The following HNMT variants were observed in gnomAD, a reference collection of about 807,000 sequenced individuals.
The protein encoded by HNMT is histamine N-methyltransferase.
HNMT carries 30 observed loss-of-function variants against 32.1 expected under a neutral mutation model. The ratio of observed to expected loss-of-function variants is 0.93; its 90% CI spans 0.70 to 1.27. The LOEUF (loss-of-function observed/expected upper bound fraction) is 1.27, where lower values mean the gene tolerates loss of function less well. HNMT is among the 50% of genes most tolerant of loss of function. The pLI is 0.00. For missense variants in HNMT, 327 were observed against 346.0 expected (o/e 0.95, Z 0.43); for synonymous variants, 125 against 119.0 (o/e 1.05, Z -0.33).
intron 2 of HNMT, among the ~76,000 whole-genome samples, chr2:137,989,038 C>T (rs985981882): frequency 6.6e-6 from 1 of 152,148 alleles, no homozygotes; most frequent in Non-Finnish European, 1.5e-5. Flanking sequence ...TATATTCCCT[C>T]CCAGAATTAC....
intron 2 of HNMT, among the ~76,000 whole-genome samples, chr2:137,997,102 C>T (rs1255557779): frequency 6.6e-6 from 1 of 152,162 alleles, no homozygotes; most frequent in African/African-American, 2.4e-5. Flanking sequence ...CCATTCAGGA[C>T]ATAGGCATGG....
intron 2 of HNMT, among the ~76,000 whole-genome samples, chr2:137,999,612 A>G (rs1293165068): frequency 6.6e-6 from 1 of 152,064 alleles, no homozygotes; most frequent in African/African-American, 2.4e-5. Flanking sequence ...TGCTAATGTC[A>G]TTTATGCCAA....
intron 2 of HNMT, among the ~76,000 whole-genome samples, chr2:137,977,747 A>G (rs1021369969): frequency 2.6e-5 from 4 of 151,954 alleles, no homozygotes; most frequent in Non-Finnish European, 4.4e-5. Flanking sequence ...ATTTCCCTGA[A>G]AGTAATTTGG....
At position 138,003,224 on chromosome 2, in the gene HNMT, T is replaced by G. The variant is rs560098972; in HGVS notation, c.429+1030T>G. ...CATTGTGCACATGTACCCTAAAACT[T>G]AAAGTATAATAATAATAATAATAAA... On this transcript the variant is annotated intron_variant, in intron 4 of 5. Transcript: ENST00000280097. Among the ~76,000 whole-genome samples the G allele has an allele frequency of 2.0e-5, 3 of 149,376 alleles. No homozygotes were observed. In the South Asian group the frequency reaches 6.3e-4, roughly 31 times the overall value.
At chr2:138,007,148 G>A (rs1681352167) in intron 5 of HNMT, among the ~76,000 whole-genome samples, 1 of 151,854 alleles carries the variant, frequency 6.6e-6, no homozygotes. Flanking sequence ...CACTTCTTCT[G>A]AGAAGAGATT....
At chr2:138,000,888 T>C in intron 2 of HNMT, 30 bp from the exon 3 acceptor site, 1 of 1,219,842 alleles carries the variant, frequency 8.2e-7, no homozygotes, top group Non-Finnish European at 1.2e-6. Context: ...GCTGGAATGA[T>C]GTGACCTGTC....
At chr2:137,978,204 C>T (rs937757237) in intron 2 of HNMT, among the ~76,000 whole-genome samples, 5 of 151,500 alleles carry the variant, frequency 3.3e-5, no homozygotes, top group Non-Finnish European at 7.4e-5. Context: ...AGTCTCCTCA[C>T]AATACCAAAA....
At chr2:137,967,273 A>G in intron 1 of HNMT, 1 of 604,272 alleles carries the variant, frequency 1.7e-6, no homozygotes, top group Non-Finnish European at 2.9e-6. Context: ...TTAGCTGAAC[A>G]AGGCGGCATG....
At position 137,981,894 on chromosome 2, in the gene HNMT, CCCAGGT is replaced by C. The variant is rs544501759; in HGVS notation, c.190+11678_190+11683del. ...TTTGAAACAGAGTCTTTCTCTGTCA[CCCAGGT>C]TGGAGTGCAGTGCCGCGATCTAGGC... On this transcript the variant is annotated intron_variant, in intron 2 of 5. Coordinates refer to ENST00000280097, the MANE Select transcript of HNMT (RefSeq NM_006895.3). Among the ~76,000 whole-genome samples the C allele has an allele frequency of 5.9e-3, 894 of 152,230 alleles. 5 individuals are homozygous for C. Among genetic ancestry groups the C allele is most frequent in the African/African-American group, 0.02 (841 of 41,528 alleles).
chr2:138,000,479 T>C (rs1216542081), intron 2 of HNMT, among the ~76,000 whole-genome samples: 1 of 152,038 alleles, frequency 6.6e-6, no homozygotes, highest in Non-Finnish European at 1.5e-5. Context: ...TTTTTTGTAC[T>C]CTTCTGGCCT....
At chr2:137,970,713 G>A (rs1680096569) in intron 2 of HNMT, among the ~76,000 whole-genome samples, 1 of 152,056 alleles carries the variant, frequency 6.6e-6, no homozygotes. Flanking sequence ...GAGGTCAGGA[G>A]ATCGAGACCA....
chr2:138,000,797 T>G, intron 2 of HNMT, 121 bp from the exon 3 acceptor site: 1 of 529,498 alleles, frequency 1.9e-6, no homozygotes, highest in Non-Finnish European at 3.3e-6. Flanking sequence ...CAGTTGAACA[T>G]TATTCTTTAT....
At chr2:138,010,343 A>G (rs571638893) in intron 5 of HNMT, among the ~76,000 whole-genome samples, 26 of 152,130 alleles carry the variant, frequency 1.7e-4, no homozygotes, top group Admixed American at 9.2e-4. Context: ...TATTTCAGCT[A>G]AAACTGACTT....
intron 1 of HNMT, 77 bp downstream of exon 1, chr2:137,964,705 G>C: frequency 6.8e-7 from 1 of 1,466,780 alleles, no homozygotes; most frequent in Non-Finnish European, 9.5e-7. Flanking sequence ...GTCTCGCTCA[G>C]CCTCGCAGGC....
intron 2 of HNMT, among the ~76,000 whole-genome samples, chr2:137,970,658 C>T (rs563303194): frequency 5.3e-5 from 8 of 152,138 alleles, no homozygotes; most frequent in South Asian, 4.1e-4. Context: ...CGGTGGCTCA[C>T]GCCTGTAATC....
chr2:138,000,697 T>C (rs192389505), intron 2 of HNMT, among the ~76,000 whole-genome samples: 3 of 152,258 alleles, frequency 2.0e-5, no homozygotes, highest in Non-Finnish European at 4.4e-5. Context: ...TTAAAGATCA[T>C]GTAAACGAAT....
chr2:137,997,029 G>A (rs2104968575), intron 2 of HNMT, among the ~76,000 whole-genome samples: 1 of 152,108 alleles, frequency 6.6e-6, no homozygotes, highest in African/African-American at 2.4e-5. Context: ...AACCCAAGAT[G>A]GATTAAAGAC....
At chr2:137,970,936 AGAAAGAAAGAAAG>A (rs1486071326) in intron 2 of HNMT, among the ~76,000 whole-genome samples, 3,645 of 22,730 alleles carry the variant, frequency 0.16, 393 homozygotes, top group Non-Finnish European at 0.27. Flanking sequence ...AAAAAAAAAA[AGAAAGAAAGAAAG>A]AAAGAAAGAA....
chr2:137,981,797 T>A (rs1185816283), intron 2 of HNMT: 1 of 159,174 alleles, frequency 6.3e-6, no homozygotes, highest in Non-Finnish European at 1.4e-5. Flanking sequence ...TTGCATAGGA[T>A]AATTCTAGTG....
Sources: allele counts gnomAD v4.1 joint callset (sites outside exome capture counted in the v4.1 genomes callset), GRCh38; gene constraint gnomAD v4.1.1; transcripts MANE v1.5; gene names NCBI Gene and HGNC (gene_info 2026-07-23, HGNC 2026-07-21).